The following BSN variants were observed in gnomAD, a reference collection of about 807,000 sequenced individuals.
The protein encoded by BSN is bassoon presynaptic cytomatrix protein, also known as protein bassoon.
Under a neutral mutation model 264.8 loss-of-function variants are expected in BSN, and 57 were observed. The observed-to-expected ratio is 0.22, with a 90% CI of 0.17 to 0.27. BSN has a LOEUF of 0.27. BSN is among the 10% of genes least tolerant of loss of function. The pLI is 1.00. For synonymous variants in BSN, 2,059 were observed against 2,137.3 expected (o/e 0.96, Z 1.01); for missense variants, 4,615 against 5,232.5 (o/e 0.88, Z 3.64).
chr3:49,567,171 A>G (rs1379610472), intron 1 of BSN, among the ~76,000 whole-genome samples: 2 of 152,184 alleles, frequency 1.3e-5, no homozygotes, highest in Non-Finnish European at 2.9e-5. Context: ...TCATGAATGT[A>G]GTTTAAGACT....
intron 1 of BSN, among the ~76,000 whole-genome samples, chr3:49,565,717 G>A (rs1399595517): frequency 6.6e-6 from 1 of 152,112 alleles, no homozygotes; most frequent in African/African-American, 2.4e-5. Context: ...TAATTCAATG[G>A]CATTTATCAC....
intron 1 of BSN, among the ~76,000 whole-genome samples, chr3:49,605,447 TTATATAATATATA>T (rs2052109951): frequency 6.8e-5 from 1 of 14,624 alleles, no homozygotes; most frequent in African/African-American, 3.0e-4. Flanking sequence ...ATTATATATA[TTATATAATATATA>T]TTATATATAA....
intron 7 of BSN, 27 bp downstream of exon 7, chr3:49,663,693 G>A (rs1210983196): frequency 1.2e-6 from 2 of 1,603,780 alleles, no homozygotes; most frequent in Admixed American, 1.7e-5. Flanking sequence ...TGCATGGGTT[G>A]TAACCAGGGA....
chr3:49,565,424 C>T (rs1477196912), intron 1 of BSN, among the ~76,000 whole-genome samples: 1 of 151,138 alleles, frequency 6.6e-6, no homozygotes, highest in Non-Finnish European at 1.5e-5. Flanking sequence ...GGGTTCGCGC[C>T]ATTCTCCTGC....
chr3:49,660,836 T>G lies in BSN; in HGVS notation c.8991T>G (p.Arg2997=), dbSNP rs1316491570. 2 of 1,612,868 alleles carry G rather than the reference T, an allele frequency of 1.2e-6. No individual in the cohort carries two copies. Among genetic ancestry groups the G allele is most frequent in the Non-Finnish European group, 1.7e-6 (2 of 1,180,020 alleles). ...CTTTGGCCAAAGACCGGGGTGGCCGTGACTACCCACCCTTGCGTGGTCTTG... is the reference window on the plus strand; with the variant it reads ...CTTTGGCCAAAGACCGGGGTGGCCGGGACTACCCACCCTTGCGTGGTCTTG... ...KESLAKDRGG[R]DYPPLRGLGE... The change falls in exon 6 of 12, where the codon CGT becomes CGG. Residue 2997 remains arginine, a synonymous_variant. Transcript: ENST00000296452. The surrounding 1 kb of genome is among the most constrained non-coding windows in gnomAD (Gnocchi z 7.1).
At position 49,655,026 on chromosome 3, in the gene BSN, G is replaced by A. The variant is rs371091908; in HGVS notation, c.5470G>A (p.Ala1824Thr). The A allele has an allele frequency of 1.7e-5, 28 of 1,613,178 alleles. No homozygotes were observed. The Middle Eastern group carries it at 4.9e-4, about 29-fold the overall frequency. Residue 1824 changes from alanine to threonine, a missense_variant, in exon 5 of 12, where the codon GCC becomes ACC. Ala to Thr is a moderately conservative substitution (Grantham distance 58). Coordinates refer to ENST00000296452, the MANE Select transcript of BSN (RefSeq NM_003458.4). The part of the protein sequence containing the change: ...RDVLITQMGT[A>T]QSIGLKPGPV... ...CGTTTTGATCACTCAGATGGGCACC[G>A]CCCAGAGCATTGGCCTCAAGCCAGG... is the stretch of plus-strand genomic sequence containing the variant.
intron 1 of BSN, among the ~76,000 whole-genome samples, chr3:49,590,259 T>G (rs1435981563): frequency 6.6e-6 from 1 of 152,188 alleles, no homozygotes; most frequent in African/African-American, 2.4e-5. Flanking sequence ...TAAAAAAAAT[T>G]TCAACCTATT....
chr3:49,616,024 C>T (rs4855848), intron 1 of BSN, among the ~76,000 whole-genome samples: 124,580 of 152,198 alleles, frequency 0.82, 51,344 homozygotes, highest in East Asian at 0.99. Context: ...AACTTTTCCA[C>T]TTGGGGAGGT....
At chr3:49,619,558 T>C (rs1320584456) in intron 1 of BSN, among the ~76,000 whole-genome samples, 1 of 152,192 alleles carries the variant, frequency 6.6e-6, no homozygotes, top group Non-Finnish European at 1.5e-5. Flanking sequence ...AGTTTTCTCA[T>C]CTGTAAAATG....
chr3:49,622,548 G>T (rs1045134680), intron 1 of BSN, among the ~76,000 whole-genome samples: 1 of 152,148 alleles, frequency 6.6e-6, no homozygotes, highest in Non-Finnish European at 1.5e-5. Flanking sequence ...GCTACTTATT[G>T]GGCAACACAA....
At chr3:49,597,988 A>G (rs569376602) in intron 1 of BSN, among the ~76,000 whole-genome samples, 1 of 152,242 alleles carries the variant, frequency 6.6e-6, no homozygotes, top group Non-Finnish European at 1.5e-5. Context: ...TTATTTTTAT[A>G]ATTTCTCTTT....
intron 1 of BSN, among the ~76,000 whole-genome samples, chr3:49,557,641 G>A (rs1233580955): frequency 2.7e-5 from 4 of 146,828 alleles, no homozygotes; most frequent in African/African-American, 7.7e-5. Context: ...GCAGTGGCAC[G>A]ATCTCCGCTC....
rs1472176167 is a variant in BSN at position 49,605,868 on chromosome 3, CTATT to C, written c.225-19103_225-19100del. Among the ~76,000 whole-genome samples, 86 of 70,590 alleles carry C rather than the reference CTATT, an allele frequency of 1.2e-3. 1 individual carries two copies. In the South Asian group the frequency reaches 0.039, roughly 32 times the overall value. The allele number at this position is 70,590 out of a possible 152,430, so 46.3% of individuals were successfully genotyped here. A position where few individuals can be genotyped will look rare whatever the true frequency, so the allele number is the denominator to read the frequency against. On this transcript the variant is annotated intron_variant, in intron 1 of 11. Coordinates refer to ENST00000296452, the MANE Select transcript of BSN (RefSeq NM_003458.4). Reference sequence around the variant, plus strand: ...ATATTTATATATAATATATTTATATCTATTTATATATAGATATAAATATATTTAT... The same window carrying C: ...ATATTTATATATAATATATTTATATCTATATATAGATATAAATATATTTAT...
rs2052684253 is a variant in BSN, at chr3:49,663,530, A to G, written c.11372A>G (p.Gln3791Arg). ...CAAGGTCTTGGGCTGCAGCCCCCAC[A>G]GCAGGCTCTGACACAGGCTCGGCTG... is the stretch of plus-strand genomic sequence containing the variant. ...QQQGLGLQPP[Q>R]QALTQARLQQ... is the part of the protein sequence containing the mutation. Residue 3791 changes from glutamine to arginine, a missense_variant, in exon 7 of 12, where the codon CAG becomes CGG. Gln to Arg is a conservative substitution (Grantham distance 43, BLOSUM62 1). Around this residue, in one of 3 missense-constraint regions of BSN, gnomAD observed 3,415 missense variants for 3,866.4 expected, o/e 0.88. Transcript: ENST00000296452. The G allele has an allele frequency of 1.2e-6, 2 of 1,612,620 alleles. No individual in the cohort carries two copies. Among genetic ancestry groups the G allele is most frequent in the Non-Finnish European group, 1.7e-6 (2 of 1,179,864 alleles).
chr3:49,591,689 G>A (rs1575431241), intron 1 of BSN, among the ~76,000 whole-genome samples: 1 of 151,924 alleles, frequency 6.6e-6, no homozygotes, highest in Non-Finnish European at 1.5e-5. Context: ...CCAGGCTAAA[G>A]CCATCCTCCC....
downstream of BSN, among the ~76,000 whole-genome samples, chr3:49,672,479 CTT>C (rs371314787): frequency 1.0e-4 from 15 of 143,048 alleles, no homozygotes; most frequent in Non-Finnish European, 3.0e-5. Context: ...AGTTGGGACT[CTT>C]TTTTTTTTTT....
chr3:49,653,300 G>A lies in BSN; in HGVS notation c.3744G>A (p.Thr1248=), dbSNP rs774678530. Residue 1248 remains threonine, a synonymous_variant, in exon 5 of 12, where the codon ACG becomes ACA. Transcript: ENST00000296452. This position sits in a 1 kb window ranked among gnomAD's most constrained non-coding sequence, Gnocchi z 6.3. ...GQAAQPAAEG[T]PASLGAAVYE... is the part of the protein sequence containing the mutation. ...CTGCTCAGCCTGCCGCAGAGGGCACGCCAGCCAGCCTGGGAGCAGCCGTGT... is the reference window on the plus strand; with the variant it reads ...CTGCTCAGCCTGCCGCAGAGGGCACACCAGCCAGCCTGGGAGCAGCCGTGT... 161 of 1,612,280 alleles carry A rather than the reference G, an allele frequency of 1.0e-4. No individual in the cohort carries two copies. In the Middle Eastern group the frequency reaches 4.8e-3, roughly 48 times the overall value.
chr3:49,656,402 G>A lies in BSN; in HGVS notation c.6846G>A (p.Leu2282=), dbSNP rs200063434. 135 of 1,590,366 alleles carry A rather than the reference G, an allele frequency of 8.5e-5. No homozygotes were observed. The highest frequency in any genetic ancestry group is 1.1e-4 in the Non-Finnish European group (125 of 1,167,454). The part of the protein sequence containing the change: ...SVPPAEGPVY[L]GKPAAAKAPG... ...CACCTGCAGAAGGGCCTGTCTATCT[G>A]GGGAAACCTGCTGCTGCCAAGGCCC... Residue 2282 remains leucine, a synonymous_variant, in exon 5 of 12, where the codon CTG becomes CTA. Coordinates refer to ENST00000296452, the MANE Select transcript of BSN (RefSeq NM_003458.4).
In BSN at chr3:49,657,261, G is replaced by C. The variant is rs757952331; in HGVS notation, c.7705G>C (p.Glu2569Gln). Residue 2569 changes from glutamate to glutamine, a missense_variant, in exon 5 of 12, where the codon GAG becomes CAG. Coordinates refer to ENST00000296452, the MANE Select transcript of BSN (RefSeq NM_003458.4). ...ACGCCTGCGGGATGCCTGTGAGCTA[G>C]AGTCTGGGACTGAGCCCTGTGTGGT... ...MPRLRDACELESGTEPCVVRR... is the reference protein window; with the variant it reads ...MPRLRDACELQSGTEPCVVRR... 1 of 1,613,542 alleles carries C rather than the reference G, an allele frequency of 6.2e-7. No homozygotes were observed. Among genetic ancestry groups the C allele is most frequent in the Non-Finnish European group, 8.5e-7 (1 of 1,180,038 alleles).
Sources: allele counts gnomAD v4.1 joint callset (sites outside exome capture counted in the v4.1 genomes callset), GRCh38; gene constraint gnomAD v4.1.1; regional missense constraint gnomAD v4.1.1; non-coding constraint Gnocchi (gnomAD v3.1); transcripts MANE v1.5; gene names NCBI Gene and HGNC (gene_info 2026-07-23, HGNC 2026-07-21).